The following CTDSPL2 variants were observed in gnomAD, a reference collection of about 807,000 sequenced individuals.
CTDSPL2 encodes CTD small phosphatase-like protein 2.
A neutral mutation model predicts 60.0 loss-of-function variants in CTDSPL2; 5 were observed. That is an observed-to-expected ratio of 0.08 (90% confidence interval 0.04 to 0.18). The LOEUF is 0.18. Ranked by LOEUF, CTDSPL2 falls within the 10% of genes least tolerant of loss-of-function variation. The pLI is 1.00. For synonymous variants in CTDSPL2, 186 were observed against 189.3 expected, an observed-to-expected ratio of 0.98 and a Z score of 0.14; for missense variants, 370 against 548.8, an observed-to-expected ratio of 0.67 and a Z score of 3.26.
intron 8 of CTDSPL2, chr15:44,502,055 T>A (rs2081389380): frequency 9.0e-6 from 4 of 445,890 alleles, no homozygotes; most frequent in South Asian, 6.5e-5. Flanking sequence ...TTAGGTAAGA[T>A]GTAACTTAAA....
rs2081358218 is a variant in CTDSPL2, at chr15:44,499,823, A to T, written c.969+10A>T. 3 of 1,564,044 alleles carry T rather than the reference A, an allele frequency of 1.9e-6. No homozygotes were observed. The highest frequency in any genetic ancestry group is 2.3e-5 in the East Asian group (1 of 44,400). On this transcript the variant is annotated intron_variant, in intron 8 of 12. Coordinates refer to ENST00000260327, the MANE Select transcript of CTDSPL2 (RefSeq NM_016396.3). ...AGATGTCATTTATCAGGTAATTAAA[A>T]TTTTTTTGATGATTTTTGGCCTGAT...
intron 1 of CTDSPL2, among the ~76,000 whole-genome samples, chr15:44,437,584 T>C (rs1220999639): frequency 6.6e-6 from 1 of 152,222 alleles, no homozygotes; most frequent in Non-Finnish European, 1.5e-5. Flanking sequence ...AGATTGTTTA[T>C]GTTTCAGTGA....
intron 1 of CTDSPL2, among the ~76,000 whole-genome samples, chr15:44,455,494 G>A (rs558535350): frequency 0.011 from 1,647 of 152,224 alleles, 34 homozygotes; most frequent in African/African-American, 0.038. Context: ...TCCCTGTCTT[G>A]TGCCAGTTTT....
intron 1 of CTDSPL2, among the ~76,000 whole-genome samples, chr15:44,458,662 A>T (rs2140694398): frequency 6.6e-6 from 1 of 152,328 alleles, no homozygotes; most frequent in Non-Finnish European, 1.5e-5. Flanking sequence ...TGTCGAACGA[A>T]CGATTAAACG....
intron 2 of CTDSPL2, among the ~76,000 whole-genome samples, chr15:44,482,048 T>C (rs1471288185): frequency 6.6e-6 from 1 of 152,182 alleles, no homozygotes; most frequent in Non-Finnish European, 1.5e-5. Flanking sequence ...CCGTTTCTAC[T>C]TCATTGTTTT....
intron 3 of CTDSPL2, among the ~76,000 whole-genome samples, chr15:44,486,066 A>G (rs2081112997): frequency 6.6e-6 from 1 of 152,214 alleles, no homozygotes; most frequent in African/African-American, 2.4e-5. Context: ...GTAATTTTTG[A>G]CACTGCTATA....
At chr15:44,438,079 A>G (rs1177364637) in intron 1 of CTDSPL2, among the ~76,000 whole-genome samples, 1 of 152,202 alleles carries the variant, frequency 6.6e-6, no homozygotes, top group African/African-American at 2.4e-5. Context: ...CCTGGCTAAC[A>G]TGGTGAAACC....
intron 1 of CTDSPL2, among the ~76,000 whole-genome samples, chr15:44,442,216 CG>C (rs1364051452): frequency 6.6e-6 from 1 of 152,016 alleles, no homozygotes; most frequent in Admixed American, 6.6e-5. Flanking sequence ...TTTGGGAGGC[CG>C]AGGCGGGCAG....
chr15:44,528,835 G>A lies in CTDSPL2; in HGVS notation c.*4661G>A, dbSNP rs1483488731. On this transcript the variant is annotated 3_prime_UTR_variant, in exon 13 of 13. Coordinates refer to ENST00000260327, the MANE Select transcript of CTDSPL2 (RefSeq NM_016396.3). ...GTCCTTTTGGCATTAAGGTAGGGGG[G>A]AGTTAATATTCTCTCTGCCTTGTTT... The A allele has an allele frequency of 2.6e-5, 4 of 152,124 alleles. No homozygotes were observed. The highest frequency in any genetic ancestry group is 4.4e-5 in the Non-Finnish European group (3 of 68,022). 9.4% of individuals were successfully genotyped at this position (152,124 alleles called of 1,614,324 possible). A position where few individuals can be genotyped will look rare whatever the true frequency, so the allele number is the denominator to read the frequency against.
Position 44,524,196 on chromosome 15 carries a change from C to G in CTDSPL2, c.*22C>G. 6.3e-7 allele frequency: 1 copy of G among 1,588,080 alleles called. No homozygotes were observed. The highest frequency in any genetic ancestry group is 8.6e-7 in the Non-Finnish European group (1 of 1,156,568). ...TTAAGTACAAAGACTTGTCAAATCA[C>G]TGAAGGGGGAGAGAATGCAGGACCC... On this transcript the variant is annotated 3_prime_UTR_variant, in exon 13 of 13. Coordinates refer to ENST00000260327, the MANE Select transcript of CTDSPL2 (RefSeq NM_016396.3).
intron 5 of CTDSPL2, among the ~76,000 whole-genome samples, chr15:44,494,634 A>G (rs1030783308): frequency 1.3e-5 from 2 of 151,432 alleles, no homozygotes; most frequent in South Asian, 2.1e-4. Flanking sequence ...TTCTGGCTGG[A>G]TGCAGTGGCT....
chr15:44,451,496 G>T (rs556632562), intron 1 of CTDSPL2, among the ~76,000 whole-genome samples: 1 of 152,256 alleles, frequency 6.6e-6, no homozygotes, highest in Admixed American at 6.5e-5. Flanking sequence ...ACTCTTAAGG[G>T]ATCAAGAGTG....
intron 5 of CTDSPL2, among the ~76,000 whole-genome samples, chr15:44,494,669 C>G (rs2412883): frequency 0.099 from 15,082 of 151,708 alleles, 1,549 homozygotes; most frequent in African/African-American, 0.24. Flanking sequence ...CTGCACTTTG[C>G]GAGGCCGGGT....
intron 4 of CTDSPL2, 24 bp from the exon 5 acceptor site, chr15:44,490,760 T>C: frequency 6.3e-7 from 1 of 1,579,014 alleles, no homozygotes; most frequent in Non-Finnish European, 8.7e-7. Context: ...TAAATGATGA[T>C]AGTACACTGA....
chr15:44,489,150 A>G (rs1595751336), intron 4 of CTDSPL2, among the ~76,000 whole-genome samples: 1 of 47,820 alleles, frequency 2.1e-5, no homozygotes, highest in South Asian at 8.5e-4. Context: ...CCCCCCACCT[A>G]CCTCCTCCCC....
intron 2 of CTDSPL2, among the ~76,000 whole-genome samples, chr15:44,473,373 G>A (rs2080849450): frequency 6.6e-6 from 1 of 151,976 alleles, no homozygotes; most frequent in Non-Finnish European, 1.5e-5. Context: ...TCAGCTCACT[G>A]CAAGCTCCAC....
At chr15:44,519,528 G>T in intron 11 of CTDSPL2, 1 of 353,902 alleles carries the variant, frequency 2.8e-6, no homozygotes, top group Non-Finnish European at 5.1e-6. Context: ...AAAACTATAA[G>T]ATAAGCATCA....
intron 2 of CTDSPL2, among the ~76,000 whole-genome samples, chr15:44,471,366 A>C (rs568327945): frequency 6.6e-6 from 1 of 152,300 alleles, no homozygotes; most frequent in South Asian, 2.1e-4. Flanking sequence ...ATTGAGATAT[A>C]ATTTATATAC....
chr15:44,456,921 G>T (rs2080459518), intron 1 of CTDSPL2, among the ~76,000 whole-genome samples: 2 of 145,084 alleles, frequency 1.4e-5, no homozygotes. Context: ...CTGTCGCCCA[G>T]GCTGGAGTGC....
Sources: gnomAD v4.1 joint callset for allele counts (sites outside exome capture counted in the v4.1 genomes callset) on GRCh38, gnomAD v4.1.1 for gene constraint, MANE v1.5 for transcripts, NCBI Gene and HGNC (gene_info 2026-07-23, HGNC 2026-07-21) for gene names.